ZP1: variants seen among roughly 807,000 people sequenced by gnomAD.
The protein encoded by ZP1 is zona pellucida sperm-binding protein 1.
A neutral mutation model predicts 67.4 loss-of-function variants in ZP1; 58 were observed. The observed-to-expected ratio is 0.86, with a 90% CI of 0.70 to 1.07. The LOEUF (loss-of-function observed/expected upper bound fraction) is 1.07. Ranked by LOEUF, ZP1 falls within the 50% of genes least tolerant of loss-of-function variation. The pLI is 0.00. For missense variants in ZP1, 759 were observed against 807.3 expected (o/e 0.94, Z 0.72); for synonymous variants, 333 against 332.7 (o/e 1.00, Z -0.01).
intron 4 of ZP1, 53 bp from the exon 5 acceptor site, chr11:60,870,904 C>T: frequency 6.4e-7 from 1 of 1,551,704 alleles, no homozygotes; most frequent in African/African-American, 1.4e-5. Flanking sequence ...GCCATCCCGT[C>T]TCTGTGCTGG....
At position 60,870,011 on chromosome 11, in the gene ZP1, T is replaced by G. The variant is rs79274846; in HGVS notation, c.682+111T>G. 1.0e-3 allele frequency: 1,332 copies of G among 1,306,134 alleles called. 10 individuals are homozygous for G. In the African/African-American group the frequency reaches 0.014, roughly 14 times the overall value. 80.9% of individuals were successfully genotyped at this position (1,306,134 alleles called of 1,614,324 possible). Reference sequence around the variant, plus strand: ...AGCCATTTCTTTTTTTGTTTTTTTCTTTTTTTAGAAAAAGATGATTCTTTT... The same window carrying G: ...AGCCATTTCTTTTTTTGTTTTTTTCGTTTTTTAGAAAAAGATGATTCTTTT... On this transcript the variant is annotated intron_variant, in intron 3 of 11. Coordinates refer to ENST00000278853, the MANE Select transcript of ZP1 (RefSeq NM_207341.4).
At chr11:60,869,385 G>A in intron 2 of ZP1, 119 bp downstream of exon 2, 1 of 1,517,366 alleles carries the variant, frequency 6.6e-7, no homozygotes, top group Non-Finnish European at 8.8e-7. Context: ...GCTGGTGGGT[G>A]AGGGAAACTA....
In ZP1 at chr11:60,869,830, C is replaced by T; in HGVS notation, c.612C>T (p.Thr204=). ...TACCATCCCCTGGACCTGGACCTAC[C>T]CTCGCCACCCTGGCTCAACCCCACT... is the stretch of plus-strand genomic sequence containing the variant. The part of the protein sequence containing the change: ...PALPSPGPGP[T]LATLAQPHWG... Residue 204 remains threonine, a synonymous_variant, in exon 3 of 12, where the codon ACC becomes ACT. Transcript: ENST00000278853. The T allele has an allele frequency of 6.2e-7, 1 of 1,607,618 alleles. No homozygotes were observed. Among genetic ancestry groups the T allele is most frequent in the African/African-American group, 1.3e-5 (1 of 74,958 alleles).
At chr11:60,872,169 A>AGCCT (rs1855584163) in intron 6 of ZP1, among the ~76,000 whole-genome samples, 1 of 152,180 alleles carries the variant, frequency 6.6e-6, no homozygotes, top group Non-Finnish European at 1.5e-5. Context: ...GTTCAAGACT[A>AGCCT]GCCTGGGCAA....
chr11:60,869,280 A>G lies in ZP1; in HGVS notation c.318+14A>G. 1.9e-6 allele frequency: 3 copies of G among 1,614,006 alleles called. No individual in the cohort carries two copies. The highest frequency in any genetic ancestry group is 2.5e-6 in the Non-Finnish European group (3 of 1,179,932). On this transcript the variant is annotated intron_variant, in intron 2 of 11. Transcript: ENST00000278853. ...GTGCTGGAGAAGGTAGGGGTTGTTC[A>G]TGCTCTGGCACAGGGGCAAGCTTGT...
At chr11:60,875,106 G>A (rs758717644) in intron 10 of ZP1, 23 bp from the exon 11 acceptor site, 13 of 1,613,532 alleles carry the variant, frequency 8.1e-6, no homozygotes, top group Admixed American at 1.7e-5. Context: ...ACCAGCCCAA[G>A]ATTTCATTCT....
intron 11 of ZP1, 119 bp downstream of exon 11, chr11:60,875,367 C>T (rs1855683063): frequency 6.6e-7 from 1 of 1,510,198 alleles, no homozygotes; most frequent in Non-Finnish European, 8.9e-7. Context: ...TCACTGCAGT[C>T]AGTGGGGAAC....
At chr11:60,872,357 G>A (rs974867973) in intron 6 of ZP1, among the ~76,000 whole-genome samples, 1 of 152,122 alleles carries the variant, frequency 6.6e-6, no homozygotes, top group Non-Finnish European at 1.5e-5. Flanking sequence ...GCAGAAGTCA[G>A]GGGGAAACAG....
rs1590590558 is a variant in ZP1, at chr11:60,869,262, A to G, written c.314A>G (p.Glu105Gly). Residue 105 changes from glutamate to glycine, a missense_variant, in exon 2 of 12, where the codon GAG becomes GGG. Glu to Gly is a moderately conservative substitution (Grantham distance 98, BLOSUM62 -2). Coordinates refer to ENST00000278853, the MANE Select transcript of ZP1 (RefSeq NM_207341.4). ...SADYRGCHVLEKDGRFHLRVF... is the reference protein window; with the variant it reads ...SADYRGCHVLGKDGRFHLRVF... ...GATTACAGAGGCTGCCACGTGCTGG[A>G]GAAGGTAGGGGTTGTTCATGCTCTG... 1.2e-6 allele frequency: 2 copies of G among 1,614,168 alleles called. No individual in the cohort carries two copies. The highest frequency in any genetic ancestry group is 1.7e-6 in the Non-Finnish European group (2 of 1,180,032).
chr11:60,874,948 A>G lies in ZP1; in HGVS notation c.1588A>G (p.Ser530Gly). The change falls in exon 10 of 12, where the codon AGC becomes GGC. Residue 530 changes from serine (S) to glycine (G), a missense_variant. Transcript: ENST00000278853. ...CTTCCACCAGGTTTACTTGTTCTGC[A>G]GCACCTCTGCCTGCCACACCTCAGG... ...ALRGLVYLFC[S>G]TSACHTSGLE... The G allele has an allele frequency of 1.9e-6, 3 of 1,614,220 alleles. No homozygotes were observed. Among genetic ancestry groups the G allele is most frequent in the Non-Finnish European group, 2.5e-6 (3 of 1,180,044 alleles).
At chr11:60,874,316 C>T (rs1020597078) in intron 9 of ZP1, among the ~76,000 whole-genome samples, 8 of 152,194 alleles carry the variant, frequency 5.3e-5, no homozygotes, top group African/African-American at 1.7e-4. Context: ...AGTGTGGCTT[C>T]GTTCTCATCT....
intron 4 of ZP1, 131 bp downstream of exon 4, chr11:60,870,606 G>A (rs1222878386): frequency 7.8e-7 from 1 of 1,277,016 alleles, no homozygotes; most frequent in Non-Finnish European, 1.1e-6. Flanking sequence ...GCAGATGGCA[G>A]AGGAGACCTT....
intron 11 of ZP1, 123 bp downstream of exon 11, chr11:60,875,371 G>A (rs1855683239): frequency 6.6e-7 from 1 of 1,510,882 alleles, no homozygotes; most frequent in Admixed American, 2.1e-5. Context: ...TGCAGTCAGT[G>A]GGGAACTAAG....
At position 60,869,263 on chromosome 11, in the gene ZP1, G is replaced by A. The variant is rs552694200; in HGVS notation, c.315G>A (p.Glu105=). 1.3e-4 allele frequency: 209 copies of A among 1,614,192 alleles called. 1 individual carries two copies. The Middle Eastern group carries it at 3.5e-3, about 27-fold the overall frequency. Reference sequence around the variant, plus strand: ...ATTACAGAGGCTGCCACGTGCTGGAGAAGGTAGGGGTTGTTCATGCTCTGG... The same window carrying A: ...ATTACAGAGGCTGCCACGTGCTGGAAAAGGTAGGGGTTGTTCATGCTCTGG... ...SADYRGCHVL[E]KDGRFHLRVF... The change falls in exon 2 of 12, where the codon GAG becomes GAA. Residue 105 remains glutamate, a synonymous_variant. Coordinates refer to ENST00000278853, the MANE Select transcript of ZP1 (RefSeq NM_207341.4).
At position 60,875,647 on chromosome 11, in the gene ZP1, C is replaced by T. The variant is rs747706521; in HGVS notation, c.1908C>T (p.Asn636=). Residue 636 remains asparagine, a synonymous_variant, in exon 12 of 12, where the codon AAC becomes AAT. Coordinates refer to ENST00000278853, the MANE Select transcript of ZP1 (RefSeq NM_207341.4). Reference sequence around the variant, plus strand: ...GGGCCCAGAAGCTCTGGGAAAGCAACAGACAGTGAATGGGCCCAATAAACA... The same window carrying T: ...GGGCCCAGAAGCTCTGGGAAAGCAATAGACAGTGAATGGGCCCAATAAACA... ...QTWAQKLWES[N]RQ is the part of the protein sequence containing the mutation. The T allele has an allele frequency of 2.5e-6, 4 of 1,613,784 alleles. No individual in the cohort carries two copies. The Admixed American group carries it at 6.7e-5, about 27-fold the overall frequency.
intron 9 of ZP1, among the ~76,000 whole-genome samples, chr11:60,874,622 GT>G (rs1190269317): frequency 4.6e-5 from 7 of 152,240 alleles, no homozygotes; most frequent in Non-Finnish European, 8.8e-5. Flanking sequence ...GGCAGCATTG[GT>G]GAAGCAGGCC....
chr11:60,870,149 G>A (rs1855539107), intron 3 of ZP1, among the ~76,000 whole-genome samples, 183 bp from the exon 4 acceptor site: 1 of 152,200 alleles, frequency 6.6e-6, no homozygotes, highest in Non-Finnish European at 1.5e-5. Flanking sequence ...TGAAACCATT[G>A]CCAGCAACAC....
In ZP1 at chr11:60,873,395, T is replaced by C; in HGVS notation, c.1261T>C (p.Tyr421His). The C allele has an allele frequency of 6.2e-7, 1 of 1,609,282 alleles. No individual in the cohort carries two copies. The highest frequency in any genetic ancestry group is 1.1e-5 in the South Asian group (1 of 90,996). ...IAKDETFSSY[Y>H]GEDDYPIVRL... is the part of the protein sequence containing the mutation. ...TGCAGACGAGACCTTCAGCTCGTACTATGGGGAGGATGACTATCCCATCGT... is the reference window on the plus strand; with the variant it reads ...TGCAGACGAGACCTTCAGCTCGTACCATGGGGAGGATGACTATCCCATCGT... The change falls in exon 8 of 12, where the codon TAT becomes CAT. Residue 421 changes from tyrosine to histidine, a missense_variant. Transcript: ENST00000278853.
At position 60,875,553 on chromosome 11, in the gene ZP1, C is replaced by G. The variant is rs760936498; in HGVS notation, c.1814C>G (p.Ala605Gly). ...GNSSLRPLLW[A>G]VLLLPAVALV... ...TCCAGCCTGAGACCTCTCCTTTGGG[C>G]GGTCCTTTTGCTGCCAGCTGTTGCC... Residue 605 changes from alanine to glycine, a missense_variant, in exon 12 of 12, where the codon GCG (alanine) becomes GGG (glycine). Physicochemically the swap from Ala to Gly is moderately conservative, Grantham distance 60. Coordinates refer to ENST00000278853, the MANE Select transcript of ZP1 (RefSeq NM_207341.4). 1 of 1,613,976 alleles carries G rather than the reference C, an allele frequency of 6.2e-7. No homozygotes were observed. The highest frequency in any genetic ancestry group is 8.5e-7 in the Non-Finnish European group (1 of 1,179,982).
Sources: allele counts gnomAD v4.1 joint callset (sites outside exome capture counted in the v4.1 genomes callset), GRCh38; gene constraint gnomAD v4.1.1; transcripts MANE v1.5; gene names NCBI Gene and HGNC (gene_info 2026-07-23, HGNC 2026-07-21).